Variants in ANK2 observed in about 807,000 individuals in gnomAD.
ANK2 encodes the protein ankyrin 2.
In ANK2, 83 loss-of-function variants were observed where a neutral mutation model predicts 360.5. The ratio of observed to expected loss-of-function variants is 0.23; its 90% CI spans 0.19 to 0.28. The LOEUF is 0.28. Among genes scored for constraint, ANK2 ranks in the 10% least tolerant of loss-of-function variants. The pLI is 1.00. For synonymous variants in ANK2, 1,740 were observed against 1,759.5 expected (o/e 0.99, Z 0.28); for missense variants, 4,201 against 4,795.7 (o/e 0.88, Z 3.66).
intron 1 of ANK2, among the ~76,000 whole-genome samples, chr4:112,846,657 T>C (rs2063380444): frequency 6.6e-6 from 1 of 152,154 alleles, no homozygotes; most frequent in South Asian, 2.1e-4. Flanking sequence ...TTTTAGACAT[T>C]GGCTATTTAT....
chr4:112,794,451 C>T, the ANK2 span, among the ~76,000 whole-genome samples: 6 of 152,064 alleles, frequency 3.9e-5, no homozygotes, highest in African/African-American at 4.8e-5. Flanking sequence ...CTATTCCTAG[C>T]TAATAAAGCG....
intron 1 of ANK2, among the ~76,000 whole-genome samples, chr4:112,881,208 C>T (rs2076603023): frequency 6.6e-6 from 1 of 152,136 alleles, no homozygotes. Context: ...GATGCCAAGG[C>T]GGGCAGATCA....
intron 1 of ANK2, among the ~76,000 whole-genome samples, chr4:113,128,757 G>A (rs1228826216): frequency 2.0e-5 from 3 of 152,070 alleles, no homozygotes; most frequent in Non-Finnish European, 4.4e-5. Flanking sequence ...CCAAAGTGCT[G>A]GGATTACAGG....
At chr4:112,722,427 CTG>C in the ANK2 span, among the ~76,000 whole-genome samples, 2 of 152,192 alleles carry the variant, frequency 1.3e-5, no homozygotes, top group Non-Finnish European at 2.9e-5. Flanking sequence ...TTTCCACTAA[CTG>C]TGGCTTAAAT....
At chr4:112,824,067 G>A (rs967685852) in intron 1 of ANK2, among the ~76,000 whole-genome samples, 3 of 152,116 alleles carry the variant, frequency 2.0e-5, no homozygotes, top group Non-Finnish European at 2.9e-5. Context: ...AACTTTAGAT[G>A]GAGAGTTTCC....
rs530387481 is a variant in ANK2 at position 113,014,848 on chromosome 4, C to CTTT, written c.21+110360_21+110362dup. On this transcript the variant is annotated intron_variant, in intron 2 of 30. Transcript: ENST00000503271. ...GTCTGTATAGATGTGGATCATAGAG[C>CTTT]TTTTTTTTTTTTTTTTTTTTTTTTT... is the stretch of plus-strand genomic sequence containing the variant. 1.4e-3 allele frequency among the ~76,000 whole-genome samples: 98 copies of CTTT among 70,330 alleles called. 17 individuals are homozygous for CTTT. Among genetic ancestry groups the CTTT allele is most frequent in the East Asian group, 2.3e-3 (4 of 1,768 alleles). The allele number at this position is 70,330 out of a possible 152,430, so 46.1% of individuals were successfully genotyped here.
the ANK2 span, among the ~76,000 whole-genome samples, chr4:112,734,574 G>C: frequency 9.9e-5 from 15 of 152,194 alleles, no homozygotes; most frequent in Non-Finnish European, 2.1e-4. Context: ...GAATCCCCAT[G>C]TTGGTGAGAT....
intron 2 of ANK2, among the ~76,000 whole-genome samples, chr4:112,946,693 A>T (rs191563016): frequency 1.3e-5 from 2 of 152,346 alleles, no homozygotes; most frequent in East Asian, 3.9e-4. Context: ...AAAATTAACT[A>T]CTAAACAGTG....
rs142547068 is a variant in ANK2 at position 113,116,575 on chromosome 4, A to G, written c.85-57841A>G. ...TGTGCTCCTCTTCTCCCAAAACAGC[A>G]ACGTCGATTCTTTACTTTAAATGAA... On this transcript the variant is annotated intron_variant, in intron 1 of 45. Transcript: ENST00000357077. 6.6e-5 allele frequency among the ~76,000 whole-genome samples: 10 copies of G among 152,312 alleles called. No homozygotes were observed. In the East Asian group the frequency reaches 1.9e-3, roughly 29 times the overall value.
At chr4:112,944,437 T>G (rs951370269) in intron 2 of ANK2, among the ~76,000 whole-genome samples, 1 of 152,234 alleles carries the variant, frequency 6.6e-6, no homozygotes, top group African/African-American at 2.4e-5. Flanking sequence ...GCTTACTTCT[T>G]TGTGATCAGG....
intron 1 of ANK2, among the ~76,000 whole-genome samples, chr4:113,122,964 G>T (rs1269802791): frequency 1.3e-5 from 2 of 151,192 alleles, no homozygotes; most frequent in Non-Finnish European, 3.0e-5. Context: ...ACCATTGCAT[G>T]GGTGACTAAT....
intron 1 of ANK2, among the ~76,000 whole-genome samples, chr4:113,172,433 C>T (rs1362137383): frequency 2.0e-5 from 3 of 152,160 alleles, no homozygotes; most frequent in African/African-American, 7.2e-5. Context: ...TCAGGTCTTC[C>T]ACTAAATAAA....
intron 2 of ANK2, among the ~76,000 whole-genome samples, chr4:112,920,745 G>A (rs2091256670): frequency 6.6e-6 from 1 of 152,010 alleles, no homozygotes; most frequent in South Asian, 2.1e-4. Flanking sequence ...CTACCATCAA[G>A]GATGCTCTGT....
the ANK2 span, among the ~76,000 whole-genome samples, chr4:112,776,201 C>T: frequency 6.6e-6 from 1 of 152,076 alleles, no homozygotes; most frequent in Non-Finnish European, 1.5e-5. Flanking sequence ...CCAGCTGGGG[C>T]CCCTGTAACA....
chr4:112,915,770 A>T (rs1196415311), intron 2 of ANK2, among the ~76,000 whole-genome samples: 16 of 147,690 alleles, frequency 1.1e-4, no homozygotes, highest in African/African-American at 3.4e-4. Flanking sequence ...AAAAATAAAT[A>T]AATAAATAAA....
At chr4:113,073,754 A>G (rs2078734821) in intron 1 of ANK2, among the ~76,000 whole-genome samples, 1 of 152,212 alleles carries the variant, frequency 6.6e-6, no homozygotes, top group African/African-American at 2.4e-5. Flanking sequence ...TCTCCTGCTG[A>G]TCATCGACGG....
At chr4:112,921,553 A>G (rs2091537035) in intron 2 of ANK2, among the ~76,000 whole-genome samples, 1 of 151,924 alleles carries the variant, frequency 6.6e-6, no homozygotes, top group African/African-American at 2.4e-5. Flanking sequence ...AGCACACTAC[A>G]ACCTCCAACT....
At chr4:113,323,266 C>A (rs2087492971) in intron 26 of ANK2, among the ~76,000 whole-genome samples, 1 of 152,032 alleles carries the variant, frequency 6.6e-6, no homozygotes, top group African/African-American at 2.4e-5. Flanking sequence ...ATATTACCTA[C>A]CCCGCTTTAT....
the ANK2 span, among the ~76,000 whole-genome samples, chr4:112,810,182 T>TTTTTTTG: frequency 4.5e-5 from 5 of 111,782 alleles, no homozygotes; most frequent in African/African-American, 1.7e-4. Flanking sequence ...TTTTTTTTTT[T>TTTTTTTG]GTAGCAATGG....
Sources: gnomAD v4.1 joint callset for allele counts (sites outside exome capture counted in the v4.1 genomes callset) on GRCh38, gnomAD v4.1.1 for gene constraint, MANE v1.5 for transcripts, NCBI Gene and HGNC (gene_info 2026-07-23, HGNC 2026-07-21) for gene names.